DLGAP1: variants seen among roughly 807,000 people sequenced by gnomAD.
DLGAP1 encodes disks large-associated protein 1.
DLGAP1 carries 11 observed loss-of-function variants against 90.8 expected under a neutral mutation model. The observed-to-expected ratio is 0.12, with a 90% CI of 0.08 to 0.20. The LOEUF is 0.20. Ranked by LOEUF, DLGAP1 falls within the 10% of genes least tolerant of loss-of-function variation. DLGAP1 has a pLI of 1.00. For synonymous variants in DLGAP1, 558 were observed against 540.7 expected (o/e 1.03, Z -0.44); for missense variants, 1,050 against 1,333.8 (o/e 0.79, Z 3.31).
At chr18:3,930,277 G>A (rs766159903) in intron 3 of DLGAP1, among the ~76,000 whole-genome samples, 4 of 152,106 alleles carry the variant, frequency 2.6e-5, no homozygotes, top group Non-Finnish European at 5.9e-5. Context: ...ACAACCCTAA[G>A]TACAAGTTGC....
Position 4,291,838 on chromosome 18 carries a change from G to A in DLGAP1, c.-266-140551C>T, listed in dbSNP as rs2079857035. Among the ~76,000 whole-genome samples, 5 of 152,084 alleles carry A rather than the reference G, an allele frequency of 3.3e-5. No homozygotes were observed. In the South Asian group the frequency reaches 6.2e-4, roughly 19 times the overall value. ...AATGTGAGAAATAGTACGAAGCATC[G>A]ATCTTGAAGGAAGAGCACTAGAAAA... On this transcript the variant is annotated intron_variant, in intron 1 of 12. Coordinates refer to ENST00000315677, the MANE Select transcript of DLGAP1 (RefSeq NM_004746.4).
intron 1 of DLGAP1, among the ~76,000 whole-genome samples, chr18:4,362,972 C>T (rs752663824): frequency 2.6e-5 from 4 of 152,016 alleles, no homozygotes; most frequent in African/African-American, 7.2e-5. Context: ...AACCCCAATC[C>T]CCTTGGCATT....
rs1185616345 is a variant in DLGAP1 at position 4,084,991 on chromosome 18, A to G, written c.-159+66189T>C. ...GGATGGTTAATGGGGAAGACATCAC[A>G]CACTCAAAACTGCAGACTGCAAGTC... On this transcript the variant is annotated intron_variant, in intron 2 of 12. Coordinates refer to ENST00000315677, the MANE Select transcript of DLGAP1 (RefSeq NM_004746.4). This position sits in a 1 kb window ranked among gnomAD's most constrained non-coding sequence, Gnocchi z 4.0. Among the ~76,000 whole-genome samples, 1 of 152,104 alleles carries G rather than the reference A, an allele frequency of 6.6e-6. No homozygotes were observed. Among genetic ancestry groups the G allele is most frequent in the Non-Finnish European group, 1.5e-5 (1 of 68,012 alleles).
intron 7 of DLGAP1, among the ~76,000 whole-genome samples, chr18:3,710,348 A>C (rs376299228): frequency 8.5e-5 from 13 of 152,274 alleles, no homozygotes; most frequent in Middle Eastern, 6.8e-3. Flanking sequence ...GCCCTACGTC[A>C]TCCCCCGCCC....
intron 12 of DLGAP1, among the ~76,000 whole-genome samples, chr18:3,501,966 A>G (rs1394139337): frequency 6.6e-6 from 1 of 151,952 alleles, no homozygotes; most frequent in African/African-American, 2.4e-5. Flanking sequence ...AAAAAAAAAA[A>G]AAACCCAACA....
chr18:4,384,440 CAG>C (rs2082191073), intron 1 of DLGAP1, among the ~76,000 whole-genome samples: 1 of 152,274 alleles, frequency 6.6e-6, no homozygotes, highest in African/African-American at 2.4e-5. Context: ...ACTTTGATGA[CAG>C]AATGTAATAG....
chr18:4,128,699 C>G (rs1282086942), intron 2 of DLGAP1, among the ~76,000 whole-genome samples: 1 of 152,106 alleles, frequency 6.6e-6, no homozygotes, highest in Non-Finnish European at 1.5e-5. Context: ...ATGCTATCAG[C>G]GAGGATCCAA....
At chr18:3,813,573 C>T (rs909275161) in intron 5 of DLGAP1, among the ~76,000 whole-genome samples, 3 of 152,046 alleles carry the variant, frequency 2.0e-5, no homozygotes, top group African/African-American at 4.8e-5. Flanking sequence ...TGTCAAGAAC[C>T]TTCACATATC....
At chr18:3,766,514 G>GGAAT (rs760168487) in intron 5 of DLGAP1, among the ~76,000 whole-genome samples, 8 of 151,812 alleles carry the variant, frequency 5.3e-5, no homozygotes, top group Non-Finnish European at 1.2e-4. Context: ...CAAGAACAGC[G>GGAAT]GAATACTCAT....
At chr18:4,400,807 C>A (rs2082539141) in intron 1 of DLGAP1, among the ~76,000 whole-genome samples, 1 of 152,176 alleles carries the variant, frequency 6.6e-6, no homozygotes. Flanking sequence ...ACAACCTCCA[C>A]TGGGTACTGC....
chr18:4,241,809 C>T (rs2078540164), intron 1 of DLGAP1, among the ~76,000 whole-genome samples: 1 of 152,184 alleles, frequency 6.6e-6, no homozygotes, highest in Non-Finnish European at 1.5e-5. Context: ...GCAATACTTC[C>T]ATTGACTATT....
intron 5 of DLGAP1, among the ~76,000 whole-genome samples, chr18:3,770,633 TAA>T (rs2064484818): frequency 6.6e-6 from 1 of 152,110 alleles, no homozygotes. Context: ...AACAAAAACA[TAA>T]AAGTTTTCCA....
chr18:3,864,332 T>C (rs2070261134), intron 4 of DLGAP1, among the ~76,000 whole-genome samples: 1 of 152,210 alleles, frequency 6.6e-6, no homozygotes, highest in South Asian at 2.1e-4. Flanking sequence ...CATGGTTTAA[T>C]TTTAGGGAAT....
In DLGAP1 at chr18:3,583,184, A is replaced by ACCTACCTT. The variant is rs1555688608; in HGVS notation, c.1592-937_1592-936insAAGGTAGG. Among the ~76,000 whole-genome samples, 247 of 127,800 alleles carry ACCTACCTT rather than the reference A, an allele frequency of 1.9e-3. 1 individual carries two copies. The highest frequency in any genetic ancestry group is 6.2e-3 in the African/African-American group (197 of 31,760). 83.8% of individuals were successfully genotyped at this position (127,800 alleles called of 152,430 possible). A position where few individuals can be genotyped will look rare whatever the true frequency, so the allele number is the denominator to read the frequency against. On this transcript the variant is annotated intron_variant, in intron 7 of 12. Transcript: ENST00000315677. ...TACCTACCTACCTACCTACCTACCT[A>ACCTACCTT]CCTTCCTTCCTTCCTTCCTTCCTTC...
intron 4 of DLGAP1, among the ~76,000 whole-genome samples, chr18:3,830,286 C>A (rs1370433517): frequency 1.3e-5 from 2 of 152,198 alleles, no homozygotes; most frequent in African/African-American, 4.8e-5. Flanking sequence ...AGGAAATTGG[C>A]CAGGCGTGGT....
At chr18:3,779,068 G>A (rs1233165793) in intron 5 of DLGAP1, among the ~76,000 whole-genome samples, 1 of 152,180 alleles carries the variant, frequency 6.6e-6, no homozygotes, top group East Asian at 1.9e-4. Flanking sequence ...CGCAGGTGGT[G>A]AGTGAGCAAG....
intron 1 of DLGAP1, among the ~76,000 whole-genome samples, chr18:4,373,717 A>G (rs1473958526): frequency 6.6e-6 from 1 of 152,208 alleles, no homozygotes; most frequent in Non-Finnish European, 1.5e-5. Context: ...AGTATTTATT[A>G]GCCCTTATTT....
chr18:3,649,504 C>T (rs1639366), intron 7 of DLGAP1, among the ~76,000 whole-genome samples: 49,193 of 152,110 alleles, frequency 0.32, 9,979 homozygotes, highest in African/African-American at 0.57. Context: ...TCATTAGACA[C>T]TGGAAAGAGG....
At chr18:4,219,027 G>GTTTTTT (rs34333673) in intron 1 of DLGAP1, among the ~76,000 whole-genome samples, 4 of 92,022 alleles carry the variant, frequency 4.3e-5, no homozygotes, top group African/African-American at 8.8e-5. Context: ...TTCTATCTTT[G>GTTTTTT]TTTTTTTTTT....
Sources: allele counts gnomAD v4.1 joint callset (sites outside exome capture counted in the v4.1 genomes callset), GRCh38; gene constraint gnomAD v4.1.1; non-coding constraint Gnocchi (gnomAD v3.1); transcripts MANE v1.5; gene names NCBI Gene and HGNC (gene_info 2026-07-23, HGNC 2026-07-21).